DSCAML1: variants seen among roughly 807,000 people sequenced by gnomAD.
DSCAML1 encodes cell adhesion molecule DSCAML1.
A neutral mutation model predicts 200.5 loss-of-function variants in DSCAML1; 38 were observed. The observed-to-expected ratio is 0.19, with a 90% confidence interval of 0.15 to 0.25. The LOEUF is 0.25. Ranked by LOEUF, DSCAML1 falls within the 10% of genes least tolerant of loss-of-function variation. The pLI is 1.00. For missense variants in DSCAML1, 2,223 were observed against 2,858.8 expected (o/e 0.78, Z 5.07); for synonymous variants, 1,215 against 1,165.0 (o/e 1.04, Z -0.87).
At chr11:117,528,871 C>T (rs1051097286) in intron 4 of DSCAML1, among the ~76,000 whole-genome samples, 4 of 152,116 alleles carry the variant, frequency 2.6e-5, no homozygotes, top group African/African-American at 9.7e-5. Context: ...GAGGCACAGA[C>T]TATTCTTGCA....
At chr11:117,623,218 T>TA in intron 3 of DSCAML1, among the ~76,000 whole-genome samples, 1 of 109,560 alleles carries the variant, frequency 9.1e-6, no homozygotes, top group South Asian at 2.9e-4. Flanking sequence ...TTTCTTTTCT[T>TA]TTTTTTTTTT....
At chr11:117,583,007 T>TTATTATTATTAC (rs2051071738) in intron 3 of DSCAML1, among the ~76,000 whole-genome samples, 1 of 150,054 alleles carries the variant, frequency 6.7e-6, no homozygotes, top group African/African-American at 2.4e-5. Context: ...ATTATTATTA[T>TTATTATTATTAC]TATTATTATT....
At position 117,518,506 on chromosome 11, in the gene DSCAML1, C is replaced by G; in HGVS notation, c.1470G>C (p.Leu490Phe). The change falls in exon 7 of 33, where the codon TTG becomes TTC. Residue 490 changes from leucine to phenylalanine, a missense_variant. Leu to Phe is a conservative substitution (Grantham distance 22). This residue lies in a region of DSCAML1 where 579 missense variants were observed against 721.5 expected (regional missense o/e 0.80). Transcript: ENST00000651296. This position sits in a 1 kb window ranked among gnomAD's most constrained non-coding sequence, Gnocchi z 6.3. ...GCGCCTGATATTCAGCACTGCCCAC[C>G]AAGTTCCGCGCTGTGCACCGGTACA... The part of the protein sequence containing the change: ...GGVYRCTARN[L>F]VGSAEYQARI... 6.2e-7 allele frequency: 1 copy of G among 1,614,234 alleles called. No homozygotes were observed. The highest frequency in any genetic ancestry group is 1.1e-5 in the South Asian group (1 of 91,082).
chr11:117,665,585 C>T (rs865838035), intron 3 of DSCAML1, among the ~76,000 whole-genome samples: 1 of 152,208 alleles, frequency 6.6e-6, no homozygotes, highest in African/African-American at 2.4e-5. Flanking sequence ...GCTGCAATGG[C>T]TTCCTGGAAA....
chr11:117,784,232 T>C (rs1322172969), intron 1 of DSCAML1, among the ~76,000 whole-genome samples: 4 of 152,212 alleles, frequency 2.6e-5, no homozygotes, highest in Admixed American at 2.0e-4. Flanking sequence ...TGACAGTGCA[T>C]TGCCATCATG....
intron 11 of DSCAML1, among the ~76,000 whole-genome samples, chr11:117,486,886 GA>G (rs57875880): frequency 5.0e-5 from 6 of 120,438 alleles, no homozygotes; most frequent in Non-Finnish European, 3.3e-5. Flanking sequence ...AATGTAGGAA[GA>G]AAAAAAAAAA....
intron 3 of DSCAML1, among the ~76,000 whole-genome samples, chr11:117,551,654 G>A (rs2050467962): frequency 6.6e-6 from 1 of 152,154 alleles, no homozygotes; most frequent in African/African-American, 2.4e-5. Flanking sequence ...ATAAGATAGA[G>A]GTAGTTGCTG....
chr11:117,438,928 G>A lies in DSCAML1; in HGVS notation c.4200C>T (p.Thr1400=). The A allele has an allele frequency of 6.2e-7, 1 of 1,609,536 alleles. No individual in the cohort carries two copies. Among genetic ancestry groups the A allele is most frequent in the Non-Finnish European group, 8.5e-7 (1 of 1,178,204 alleles). The change falls in exon 24 of 33, where the codon ACC becomes ACT. Residue 1400 remains threonine (T), a synonymous_variant. Coordinates refer to ENST00000651296, the MANE Select transcript of DSCAML1 (RefSeq NM_020693.4). ...TVSKTSASSI[T]LTWIPGDNGG... is the part of the protein sequence containing the mutation. ...CATTGTCACCTGGAATCCAGGTCAG[G>A]GTGATGGACGAAGCTGAGGTTTTGG...
At chr11:117,626,944 C>T (rs745745931) in intron 3 of DSCAML1, among the ~76,000 whole-genome samples, 27 of 152,194 alleles carry the variant, frequency 1.8e-4, no homozygotes, top group Admixed American at 1.3e-4. Flanking sequence ...GGGTGGAAAC[C>T]CGCAAAAGAA....
In DSCAML1 at chr11:117,458,921, C is replaced by T. The variant is rs2048425512; in HGVS notation, c.3413-12G>A. 3.1e-6 allele frequency: 5 copies of T among 1,611,672 alleles called. No homozygotes were observed. The South Asian group carries it at 3.3e-5, about 11-fold the overall frequency. The stretch of plus-strand genomic sequence containing the variant: ...CATCTCGCCCCACTCTGCCAGAGAC[C>T]AGCAAACTCTGAGGACCCAGCTCCA... On this transcript the variant is annotated splice_polypyrimidine_tract_variant and intron_variant, in intron 18 of 32. Transcript: ENST00000651296.
At position 117,464,959 on chromosome 11, in the gene DSCAML1, G is replaced by A. The variant is rs1454806239; in HGVS notation, c.3248C>T (p.Ala1083Val). ...GCCCTCACCATCCTCCAGAGTGGTG[G>A]CATTGATCTCGCTGGAAGAGGGCCC... ...GTGPSSSEINATTLEDVPSQP... is the reference protein window; with the variant it reads ...GTGPSSSEINVTTLEDVPSQP... The change falls in exon 17 of 33, where the codon GCC becomes GTC. Residue 1083 changes from alanine (A) to valine (V), a missense_variant. By Grantham distance (64) the Ala-to-Val change is moderately conservative (BLOSUM62 0). This residue lies in a region of DSCAML1 where 438 missense variants were observed against 629.7 expected (regional missense o/e 0.70). Transcript: ENST00000651296. 1 of 1,614,054 alleles carries A rather than the reference G, an allele frequency of 6.2e-7. No individual in the cohort carries two copies. The highest frequency in any genetic ancestry group is 8.5e-7 in the Non-Finnish European group (1 of 1,179,992).
intron 16 of DSCAML1, among the ~76,000 whole-genome samples, chr11:117,467,384 C>T (rs1260812280): frequency 6.6e-6 from 1 of 152,202 alleles, no homozygotes; most frequent in Non-Finnish European, 1.5e-5. Context: ...AACACCCACC[C>T]CAGCGCATTT....
intron 3 of DSCAML1, among the ~76,000 whole-genome samples, chr11:117,669,319 C>T (rs2053051963): frequency 6.6e-6 from 1 of 152,214 alleles, no homozygotes; most frequent in South Asian, 2.1e-4. Flanking sequence ...GGGACGGGCC[C>T]TCGGGCTGGC....
At chr11:117,501,204 C>T (rs1301503919) in intron 11 of DSCAML1, among the ~76,000 whole-genome samples, 1 of 152,048 alleles carries the variant, frequency 6.6e-6, no homozygotes, top group African/African-American at 2.4e-5. Context: ...AAGAAAAGAG[C>T]AGGCAAGGAG....
chr11:117,780,650 G>A lies in DSCAML1; in HGVS notation c.207C>T (p.Asp69=), dbSNP rs780150685. Residue 69 remains aspartate (D), a synonymous_variant, in exon 2 of 33, where the codon GAC becomes GAT. Transcript: ENST00000651296. The surrounding 1 kb of genome is among the most constrained non-coding windows in gnomAD (Gnocchi z 4.8). Reference sequence around the variant, plus strand: ...CGTGGACGTGCCGGATGTGCGGCACGTCGTAGATGTCGTCCCCTGTGGCCA... The same window carrying A: ...CGTGGACGTGCCGGATGTGCGGCACATCGTAGATGTCGTCCCCTGTGGCCA... ...WYLATGDDIY[D]VPHIRHVHAN... 6.3e-6 allele frequency: 10 copies of A among 1,589,534 alleles called. No homozygotes were observed. The Admixed American group carries it at 7.1e-5, about 11-fold the overall frequency.
rs756320763 is a variant in DSCAML1 at position 117,516,487 on chromosome 11, C to T, written c.1763G>A (p.Ser588Asn). 2 of 1,613,756 alleles carry T rather than the reference C, an allele frequency of 1.2e-6. No homozygotes were observed. Among genetic ancestry groups the T allele is most frequent in the South Asian group, 2.2e-5 (2 of 91,064 alleles). ...CCTACCTTTGACGGCTACGTGAACGCTCTGGCTGATGGAGAGCTGGGGCTG... is the reference window on the plus strand; with the variant it reads ...CCTACCTTTGACGGCTACGTGAACGTTCTGGCTGATGGAGAGCTGGGGCTG... ...LIQPQLSISQ[S>N]VHVAVKVPPL... The change falls in exon 8 of 33, where the codon AGC (serine) becomes AAC (asparagine). Residue 588 changes from serine to asparagine, a missense_variant. Ser to Asn is a conservative substitution (Grantham distance 46). Coordinates refer to ENST00000651296, the MANE Select transcript of DSCAML1 (RefSeq NM_020693.4). The surrounding 1 kb of genome is among the most constrained non-coding windows in gnomAD (Gnocchi z 5.7).
intron 3 of DSCAML1, among the ~76,000 whole-genome samples, chr11:117,591,247 C>CCAA (rs994405101): frequency 6.6e-6 from 1 of 152,098 alleles, no homozygotes; most frequent in African/African-American, 2.4e-5. Flanking sequence ...GGAGCAGGTT[C>CCAA]CAACACCCCC....
At chr11:117,719,700 G>A (rs1259495268) in intron 3 of DSCAML1, among the ~76,000 whole-genome samples, 4 of 152,186 alleles carry the variant, frequency 2.6e-5, no homozygotes, top group Admixed American at 2.6e-4. Context: ...TGGCCCAAGG[G>A]TACACAGCTC....
At chr11:117,581,996 A>T (rs2137462399) in intron 3 of DSCAML1, among the ~76,000 whole-genome samples, 1 of 152,324 alleles carries the variant, frequency 6.6e-6, no homozygotes. Context: ...TGTAAGGAGC[A>T]CACCACAGTT....
Sources: allele counts gnomAD v4.1 joint callset (sites outside exome capture counted in the v4.1 genomes callset), GRCh38; gene constraint gnomAD v4.1.1; regional missense constraint gnomAD v4.1.1; non-coding constraint Gnocchi (gnomAD v3.1); transcripts MANE v1.5; gene names NCBI Gene and HGNC (gene_info 2026-07-23, HGNC 2026-07-21).